SDK1: variants seen among roughly 807,000 people sequenced by gnomAD.
SDK1 encodes the protein protein sidekick-1.
Under a neutral mutation model 245.5 loss-of-function variants are expected in SDK1, and 157 were observed. The observed-to-expected ratio is 0.64, with a 90% CI of 0.56 to 0.73. The LOEUF (loss-of-function observed/expected upper bound fraction) is 0.73, where lower values mean the gene tolerates loss of function less well. Ranked by LOEUF, SDK1 falls within the 30% of genes least tolerant of loss-of-function variation. The probability of loss-of-function intolerance (pLI) is 0.00; values close to 1 mark genes in which losing one functional copy is unlikely to be tolerated. For missense variants in SDK1, 3,583 were observed against 3,002.3 expected (o/e 1.19, Z -4.52); for synonymous variants, 1,647 against 1,278.5 (o/e 1.29, Z -6.15).
chr7:3,892,412 C>G (rs1256220858), intron 5 of SDK1, among the ~76,000 whole-genome samples: 1 of 152,166 alleles, frequency 6.6e-6, no homozygotes, highest in Admixed American at 6.6e-5. Flanking sequence ...GCAGGAGCTC[C>G]GGAGGGGAAG....
rs1562446214 is a variant in SDK1 at position 4,217,492 on chromosome 7, ACCACACCACCCGGAGC to A, written c.5540-2616_5540-2601del. On this transcript the variant is annotated intron_variant, in intron 38 of 44. Coordinates refer to ENST00000404826, the MANE Select transcript of SDK1 (RefSeq NM_152744.4). ...CCCGGAGCACCAGGCCACCCGGAGC[ACCACACCACCCGGAGC>A]ACCACACCACCCGGAGCACCACACC... is the stretch of plus-strand genomic sequence containing the variant. Among the ~76,000 whole-genome samples the A allele has an allele frequency of 6.2e-3, 640 of 102,662 alleles. 37 individuals are homozygous for A. The highest frequency in any genetic ancestry group is 9.7e-3 in the Non-Finnish European group (493 of 50,764). 67.4% of individuals were successfully genotyped at this position (102,662 alleles called of 152,430 possible). A position where few individuals can be genotyped will look rare whatever the true frequency, so the allele number is the denominator to read the frequency against.
Position 3,691,276 on chromosome 7 carries a change from T to C in SDK1, c.713+49171T>C, listed in dbSNP as rs138523260. Among the ~76,000 whole-genome samples, 32 of 152,274 alleles carry C rather than the reference T, an allele frequency of 2.1e-4. No homozygotes were observed. The East Asian group carries it at 6.2e-3, about 29-fold the overall frequency. On this transcript the variant is annotated intron_variant, in intron 4 of 44. Coordinates refer to ENST00000404826, the MANE Select transcript of SDK1 (RefSeq NM_152744.4). ...GTTATGATTACCACAGAGTAAAAAA[T>C]GCCATAGAATGAAAATGTCTTATGT...
At chr7:3,900,327 G>T (rs1781744327) in intron 5 of SDK1, among the ~76,000 whole-genome samples, 1 of 152,200 alleles carries the variant, frequency 6.6e-6, no homozygotes, top group African/African-American at 2.4e-5. Flanking sequence ...AACATGTTCT[G>T]CCTGAACAGG....
chr7:4,101,227 C>T (rs980770304), intron 22 of SDK1, among the ~76,000 whole-genome samples: 21 of 151,988 alleles, frequency 1.4e-4, no homozygotes, highest in East Asian at 3.9e-4. Context: ...CGGCAAGCTC[C>T]GCCTCCCGGG....
At chr7:4,057,723 C>G (rs1779286668) in intron 19 of SDK1, among the ~76,000 whole-genome samples, 1 of 152,182 alleles carries the variant, frequency 6.6e-6, no homozygotes. Flanking sequence ...GTCCCTGTCC[C>G]CAGCAAAACT....
chr7:3,903,025 G>A (rs373953284), intron 5 of SDK1, among the ~76,000 whole-genome samples: 1 of 152,130 alleles, frequency 6.6e-6, no homozygotes, highest in African/African-American at 2.4e-5. Context: ...AAACACCTGA[G>A]AAAATGCTTA....
chr7:3,884,237 C>T (rs538545707), intron 5 of SDK1, among the ~76,000 whole-genome samples: 45 of 152,224 alleles, frequency 3.0e-4, no homozygotes, highest in Non-Finnish European at 5.7e-4. Flanking sequence ...TGAGCCACTG[C>T]ACCCGGCCGC....
chr7:3,321,847 C>G (rs1207316195), intron 1 of SDK1, among the ~76,000 whole-genome samples: 1 of 134,868 alleles, frequency 7.4e-6, no homozygotes, highest in Non-Finnish European at 1.5e-5. Flanking sequence ...CTCTCTCTCT[C>G]TCTCTCTTTC....
chr7:4,108,152 T>C (rs1023372335), intron 22 of SDK1, among the ~76,000 whole-genome samples: 5 of 152,152 alleles, frequency 3.3e-5, no homozygotes, highest in African/African-American at 1.2e-4. Context: ...ATTGGATGGT[T>C]CCAGTCTCAG....
At chr7:3,379,239 C>T (rs545586728) in intron 1 of SDK1, among the ~76,000 whole-genome samples, 4 of 152,236 alleles carry the variant, frequency 2.6e-5, no homozygotes, top group East Asian at 1.9e-4. Context: ...AGACCTGTCA[C>T]GATGGAGCTT....
chr7:4,030,362 G>A (rs778488308), intron 17 of SDK1, among the ~76,000 whole-genome samples: 3 of 152,250 alleles, frequency 2.0e-5, no homozygotes, highest in Non-Finnish European at 2.9e-5. Flanking sequence ...GTTGCTCAAA[G>A]AAAGATTTCA....
In SDK1 at chr7:4,255,982, C is replaced by T. The variant is rs183741951; in HGVS notation, c.6382-9142C>T. On this transcript the variant is annotated intron_variant, in intron 44 of 44. Coordinates refer to ENST00000404826, the MANE Select transcript of SDK1 (RefSeq NM_152744.4). ...TCACCCGGGCTGGAGTGCAGTGGTG[C>T]GATCTCAGCTCACTGCAACCTCTGC... Among the ~76,000 whole-genome samples the T allele has an allele frequency of 8.1e-5, 11 of 135,858 alleles. No homozygotes were observed. In the East Asian group the frequency reaches 1.9e-3, roughly 24 times the overall value. 89.1% of individuals were successfully genotyped at this position (135,858 alleles called of 152,430 possible).
intron 22 of SDK1, among the ~76,000 whole-genome samples, chr7:4,085,970 G>A (rs776211613): frequency 1.4e-4 from 21 of 152,216 alleles, no homozygotes; most frequent in Non-Finnish European, 2.5e-4. Flanking sequence ...AGAAGTTTCT[G>A]TTCATTTGTC....
At chr7:4,256,283 G>A (rs1208311940) in intron 44 of SDK1, among the ~76,000 whole-genome samples, 3 of 152,192 alleles carry the variant, frequency 2.0e-5, no homozygotes, top group Non-Finnish European at 4.4e-5. Flanking sequence ...GTTCCGCTGG[G>A]GAGAGGGTCT....
At chr7:3,872,398 A>G (rs1201295409) in intron 5 of SDK1, among the ~76,000 whole-genome samples, 1 of 152,074 alleles carries the variant, frequency 6.6e-6, no homozygotes, top group Non-Finnish European at 1.5e-5. Flanking sequence ...AGTGACACTG[A>G]GTCTGGAGTT....
At chr7:3,943,751 TG>T (rs1239821731) in intron 5 of SDK1, among the ~76,000 whole-genome samples, 2 of 152,132 alleles carry the variant, frequency 1.3e-5, no homozygotes, top group Non-Finnish European at 2.9e-5. Context: ...ATTCTTTAAA[TG>T]TACTTTTTAA....
chr7:4,220,037 A>T, intron 38 of SDK1, 72 bp from the exon 39 acceptor site: 1 of 1,539,352 alleles, frequency 6.5e-7, no homozygotes, highest in South Asian at 1.2e-5. Context: ...TTGTTATCGC[A>T]ACAGAACAGA....
chr7:3,328,803 T>C (rs1045767084), intron 1 of SDK1, among the ~76,000 whole-genome samples: 4 of 152,132 alleles, frequency 2.6e-5, no homozygotes, highest in Admixed American at 6.5e-5. Flanking sequence ...GACTATACAG[T>C]TCAGTTAGTT....
At chr7:3,602,172 T>C (rs1386042895) in intron 1 of SDK1, among the ~76,000 whole-genome samples, 1 of 151,986 alleles carries the variant, frequency 6.6e-6, no homozygotes, top group East Asian at 1.9e-4. Flanking sequence ...CAATGATTTA[T>C]AATCCTTTGG....
Sources: gnomAD v4.1 joint callset for allele counts (sites outside exome capture counted in the v4.1 genomes callset) on GRCh38, gnomAD v4.1.1 for gene constraint, MANE v1.5 for transcripts, NCBI Gene and HGNC (gene_info 2026-07-23, HGNC 2026-07-21) for gene names.